The following PRELID2 variants were observed in gnomAD, a reference collection of about 807,000 sequenced individuals.
The protein encoded by PRELID2 is PRELI domain containing 2.
PRELID2 carries 25 observed loss-of-function variants against 28.4 expected under a neutral mutation model. The ratio of observed to expected loss-of-function variants is 0.88; its 90% CI spans 0.64 to 1.23. The LOEUF is 1.23. Among genes scored for constraint, PRELID2 ranks in the 50% most tolerant of loss-of-function variants. The probability of loss-of-function intolerance (pLI) is 0.00; values close to 1 mark genes in which losing one functional copy is unlikely to be tolerated. For synonymous variants in PRELID2, 76 were observed against 71.6 expected (o/e 1.06, Z -0.31); for missense variants, 201 against 214.4 (o/e 0.94, Z 0.39).
At chr5:145,387,952 A>G in the PRELID2 span, among the ~76,000 whole-genome samples, 2 of 149,880 alleles carry the variant, frequency 1.3e-5, no homozygotes, top group African/African-American at 4.9e-5. Flanking sequence ...AAAAAAAAAA[A>G]GACACTAAAA....
chr5:145,257,377 G>T, the PRELID2 span, among the ~76,000 whole-genome samples: 4 of 152,136 alleles, frequency 2.6e-5, no homozygotes, highest in South Asian at 6.2e-4. Context: ...ATTAACAGAG[G>T]AGGGTATAAT....
At chr5:145,698,261 A>G (rs969034407) in intron 1 of PRELID2, among the ~76,000 whole-genome samples, 11 of 152,192 alleles carry the variant, frequency 7.2e-5, no homozygotes, top group African/African-American at 2.7e-4. Context: ...TTTGTCAGGT[A>G]CCAATTGCCT....
intron 5 of PRELID2, among the ~76,000 whole-genome samples, chr5:145,788,759 A>G (rs1407744251): frequency 1.3e-5 from 2 of 152,146 alleles, no homozygotes; most frequent in Non-Finnish European, 2.9e-5. Flanking sequence ...ATATATATAT[A>G]TAAAACCCTA....
intron 1 of PRELID2, among the ~76,000 whole-genome samples, chr5:145,476,570 C>T (rs747653647): frequency 1.3e-4 from 20 of 151,802 alleles, no homozygotes; most frequent in Non-Finnish European, 2.1e-4. Flanking sequence ...GCCTGAACCC[C>T]GGAGGTGGAG....
chr5:145,513,218 T>A (rs891813012), intron 1 of PRELID2, among the ~76,000 whole-genome samples: 1 of 151,446 alleles, frequency 6.6e-6, no homozygotes, highest in Non-Finnish European at 1.5e-5. Context: ...TCTAACCCAA[T>A]GGAAGGAAGC....
chr5:145,316,599 T>C, the PRELID2 span, among the ~76,000 whole-genome samples: 1 of 152,156 alleles, frequency 6.6e-6, no homozygotes, highest in East Asian at 1.9e-4. Flanking sequence ...ACTAAGACAG[T>C]TCCTGTTAAG....
At chr5:145,354,021 A>C in the PRELID2 span, among the ~76,000 whole-genome samples, 1 of 152,332 alleles carries the variant, frequency 6.6e-6, no homozygotes, top group South Asian at 2.1e-4. Flanking sequence ...CAGAAGTTCA[A>C]GTCCCTGGAA....
chr5:145,832,953 T>C (rs1755700392), intron 1 of PRELID2, among the ~76,000 whole-genome samples: 2 of 152,300 alleles, frequency 1.3e-5, no homozygotes, highest in South Asian at 4.1e-4. Context: ...TATTTTCCTT[T>C]CATAAGTACA....
the PRELID2 span, among the ~76,000 whole-genome samples, chr5:145,255,903 A>G: frequency 6.6e-6 from 1 of 151,960 alleles, no homozygotes; most frequent in Non-Finnish European, 1.5e-5. Context: ...CCCAGAATAC[A>G]TAAAGAAAGA....
At chr5:145,290,500 A>C in the PRELID2 span, among the ~76,000 whole-genome samples, 5 of 151,842 alleles carry the variant, frequency 3.3e-5, no homozygotes, top group African/African-American at 1.2e-4. Context: ...TATCGCAAGG[A>C]CAGAAAACCA....
At chr5:145,612,626 C>G (rs180687552) in intron 1 of PRELID2, among the ~76,000 whole-genome samples, 96 of 152,246 alleles carry the variant, frequency 6.3e-4, no homozygotes, top group Admixed American at 5.5e-3. Flanking sequence ...ACCCTTCCCC[C>G]CAAGCCCCCA....
the PRELID2 span, chr5:145,229,427 C>T: frequency 6.4e-6 from 5 of 776,570 alleles, 1 homozygote; most frequent in South Asian, 5.3e-5. Context: ...CCAAGTGCCT[C>T]CAGGTCTCTA....
the PRELID2 span, among the ~76,000 whole-genome samples, chr5:145,408,631 G>C: frequency 1.3e-5 from 2 of 151,562 alleles, no homozygotes; most frequent in Non-Finnish European, 2.9e-5. Context: ...AGAGCTTGAA[G>C]AAAAGGCTTT....
At chr5:145,338,317 T>C in the PRELID2 span, 2 of 152,216 alleles carry the variant, frequency 1.3e-5, no homozygotes, top group African/African-American at 2.4e-5. Context: ...TGTGTGCACT[T>C]GGACTACCTT....
At chr5:145,776,998 G>T (rs1054044224) in intron 5 of PRELID2, among the ~76,000 whole-genome samples, 2 of 152,134 alleles carry the variant, frequency 1.3e-5, no homozygotes, top group Non-Finnish European at 2.9e-5. Context: ...GAACTGCAAG[G>T]GTGGGATTGT....
intron 4 of PRELID2, among the ~76,000 whole-genome samples, chr5:145,801,766 C>A (rs186264994): frequency 3.5e-4 from 53 of 152,294 alleles, no homozygotes; most frequent in African/African-American, 1.3e-3. Context: ...TCTTCTAGTG[C>A]ACGAGATTAG....
intron 4 of PRELID2, among the ~76,000 whole-genome samples, chr5:145,814,888 G>A (rs1754193037): frequency 6.6e-6 from 1 of 152,294 alleles, no homozygotes; most frequent in African/African-American, 2.4e-5. Context: ...TGACGCTGTT[G>A]TAAGGGAATG....
chr5:145,764,586 C>A (rs1757633504), intron 6 of PRELID2, among the ~76,000 whole-genome samples: 1 of 152,218 alleles, frequency 6.6e-6, no homozygotes, highest in South Asian at 2.1e-4. Context: ...TAAAGGCTTC[C>A]TTTGATTATT....
At chr5:145,751,031 A>G (rs1044066804) in intron 1 of PRELID2, among the ~76,000 whole-genome samples, 3 of 152,252 alleles carry the variant, frequency 2.0e-5, no homozygotes, top group Non-Finnish European at 4.4e-5. Context: ...CTGGTATGTT[A>G]CAAGCATTAT....
Sources: allele counts gnomAD v4.1 joint callset (sites outside exome capture counted in the v4.1 genomes callset), GRCh38; gene constraint gnomAD v4.1.1; transcripts MANE v1.5; gene names NCBI Gene and HGNC (gene_info 2026-07-23, HGNC 2026-07-21).